The following NOL4L variants were observed in gnomAD, a reference collection of about 807,000 sequenced individuals.
NOL4L encodes the protein nucleolar protein 4-like.
In NOL4L, 7 loss-of-function variants were observed where a neutral mutation model predicts 64.5. That is an observed-to-expected ratio of 0.11 (90% confidence interval 0.06 to 0.20). The LOEUF is 0.20. Ranked by LOEUF, NOL4L falls within the 10% of genes least tolerant of loss-of-function variation. The probability of loss-of-function intolerance (pLI) is 1.00; values close to 1 mark genes in which losing one functional copy is unlikely to be tolerated. For missense variants in NOL4L, 680 were observed against 967.1 expected (o/e 0.70, Z 3.94); for synonymous variants, 413 against 401.0 (o/e 1.03, Z -0.36).
intron 4 of NOL4L, among the ~76,000 whole-genome samples, chr20:32,504,461 G>C (rs1400972081): frequency 6.6e-6 from 1 of 151,772 alleles, no homozygotes; most frequent in African/African-American, 2.4e-5. Flanking sequence ...TCGGGAGGCT[G>C]AGGCAGGAGA....
intron 6 of NOL4L, among the ~76,000 whole-genome samples, chr20:32,455,246 C>T (rs753023390): frequency 6.6e-6 from 1 of 152,230 alleles, no homozygotes; most frequent in South Asian, 2.1e-4. Context: ...CAACTCACCC[C>T]CTTCATGGAA....
In NOL4L at chr20:32,509,644, T is replaced by C. The variant is rs931276863; in HGVS notation, c.699+1703A>G. ...ATTTGTGGAATGACTGAATCCTCGT[T>C]AAAGCACCTAACCCATAGTCTTAAC... On this transcript the variant is annotated intron_variant, in intron 4 of 10. Transcript: ENST00000621426. The C allele has an allele frequency of 8.4e-6, 6 of 714,320 alleles. No individual in the cohort carries two copies. The African/African-American group carries it at 1.1e-4, about 13-fold the overall frequency. 44.2% of individuals were successfully genotyped at this position (714,320 alleles called of 1,614,324 possible).
At chr20:32,510,874 G>C (rs2017368157) in intron 4 of NOL4L, among the ~76,000 whole-genome samples, 1 of 152,124 alleles carries the variant, frequency 6.6e-6, no homozygotes, top group Non-Finnish European at 1.5e-5. Flanking sequence ...CCCAGCTGGG[G>C]AGGCTTGGAC....
At chr20:32,572,841 C>T (rs1979836952) in intron 1 of NOL4L, among the ~76,000 whole-genome samples, 1 of 152,152 alleles carries the variant, frequency 6.6e-6, no homozygotes, top group Admixed American at 6.5e-5. Flanking sequence ...CTACCTCTGC[C>T]CACTGCCCCT....
chr20:32,487,910 CCA>C (rs1426091049), intron 4 of NOL4L, among the ~76,000 whole-genome samples: 9 of 150,310 alleles, frequency 6.0e-5, no homozygotes, highest in Non-Finnish European at 8.8e-5. Flanking sequence ...TACATGTGAT[CCA>C]CAGTTTTTGT....
intron 5 of NOL4L, among the ~76,000 whole-genome samples, chr20:32,472,541 G>A (rs1391248599): frequency 6.6e-6 from 1 of 152,188 alleles, no homozygotes; most frequent in African/African-American, 2.4e-5. Context: ...ATGGGAGCTG[G>A]ACCTCACATT....
intron 1 of NOL4L, among the ~76,000 whole-genome samples, chr20:32,530,105 G>A (rs1292540447): frequency 1.3e-5 from 2 of 152,200 alleles, no homozygotes. Context: ...GTTGGGATGG[G>A]ACAAATATTA....
chr20:32,473,076 T>C (rs1167056512), intron 5 of NOL4L, among the ~76,000 whole-genome samples: 6 of 152,116 alleles, frequency 3.9e-5, no homozygotes, highest in Admixed American at 3.9e-4. Context: ...CCAGGACGTG[T>C]CTCCAAGAGA....
intron 2 of NOL4L, 80 bp downstream of exon 2, chr20:32,527,678 C>G: frequency 6.8e-7 from 1 of 1,463,814 alleles, no homozygotes; most frequent in Non-Finnish European, 9.1e-7. Context: ...CCCCGCCCCC[C>G]AAGCCCAACA....
chr20:32,541,008 TACACACACACACACACACAC>T (rs10675320), intron 1 of NOL4L, among the ~76,000 whole-genome samples: 2 of 133,602 alleles, frequency 1.5e-5, no homozygotes, highest in African/African-American at 2.8e-5. Flanking sequence ...CGCCACCCCC[TACACACACACACACACACAC>T]ACACACACAC....
chr20:32,565,751 T>C (rs1025514375), intron 1 of NOL4L, among the ~76,000 whole-genome samples: 6 of 152,246 alleles, frequency 3.9e-5, no homozygotes, highest in Non-Finnish European at 7.3e-5. Flanking sequence ...AATGTTAAGT[T>C]GTTAGGTTCT....
At chr20:32,555,838 T>G (rs577798776) in intron 1 of NOL4L, among the ~76,000 whole-genome samples, 5 of 152,210 alleles carry the variant, frequency 3.3e-5, no homozygotes, top group African/African-American at 1.2e-4. Context: ...AGAATGTCAG[T>G]GGTTTAAGCC....
At chr20:32,536,993 C>T in intron 1 of NOL4L, 1 of 904,670 alleles carries the variant, frequency 1.1e-6, no homozygotes, top group Non-Finnish European at 1.3e-6. Context: ...CTGCTGCGCG[C>T]GCGCCCGCCG....
chr20:32,495,456 C>T (rs527618005), intron 4 of NOL4L, among the ~76,000 whole-genome samples: 1 of 152,306 alleles, frequency 6.6e-6, no homozygotes, highest in African/African-American at 2.4e-5. Context: ...AGATGGGCTG[C>T]TGGGGACGAA....
intron 1 of NOL4L, among the ~76,000 whole-genome samples, chr20:32,580,893 G>A (rs1200179305): frequency 2.0e-5 from 3 of 152,196 alleles, no homozygotes; most frequent in Non-Finnish European, 2.9e-5. Context: ...CTCTGGGGAC[G>A]GCTCCACGCG....
chr20:32,502,718 C>T (rs2016973571), intron 4 of NOL4L, among the ~76,000 whole-genome samples: 1 of 152,020 alleles, frequency 6.6e-6, no homozygotes, highest in Admixed American at 6.6e-5. Flanking sequence ...CGAGACCAGC[C>T]TGGCCAACAT....
chr20:32,582,392 G>A (rs1229593585), intron 1 of NOL4L, among the ~76,000 whole-genome samples: 2 of 152,190 alleles, frequency 1.3e-5, no homozygotes, highest in Non-Finnish European at 2.9e-5. Flanking sequence ...AGGAGCATCT[G>A]AAGCCAGCAG....
At chr20:32,562,850 G>A (rs1979118865) in intron 1 of NOL4L, among the ~76,000 whole-genome samples, 1 of 146,960 alleles carries the variant, frequency 6.8e-6, no homozygotes, top group Non-Finnish European at 1.5e-5. Flanking sequence ...CTTCCACCAC[G>A]CTGTTGCTCC....
intron 4 of NOL4L, chr20:32,510,517 G>A (rs184217883): frequency 3.1e-4 from 50 of 161,950 alleles, no homozygotes; most frequent in Non-Finnish European, 5.5e-4. Flanking sequence ...GCTGGAGACC[G>A]GCAGCGCAGG....
Sources: gnomAD v4.1 joint callset for allele counts (sites outside exome capture counted in the v4.1 genomes callset) on GRCh38, gnomAD v4.1.1 for gene constraint, MANE v1.5 for transcripts, NCBI Gene and HGNC (gene_info 2026-07-23, HGNC 2026-07-21) for gene names.